The following KIR3DL1 variants were observed in gnomAD, a reference collection of about 807,000 sequenced individuals.
KIR3DL1 encodes killer cell immunoglobulin-like receptor 3DL1.
KIR3DL1 carries 50 observed loss-of-function variants against 40.3 expected under a neutral mutation model. The ratio of observed to expected loss-of-function variants is 1.24; its 90% CI spans 0.99 to 1.57. The LOEUF is 1.57. KIR3DL1 is among the 40% of genes most tolerant of loss of function. KIR3DL1 has a pLI of 0.00. For missense variants in KIR3DL1, 661 were observed against 559.9 expected (o/e 1.18, Z -1.82); for synonymous variants, 257 against 207.2 (o/e 1.24, Z -2.07).
intron 1 of KIR3DL1, 36 bp downstream of exon 1, chr19:54,816,570 G>T: frequency 1.2e-6 from 2 of 1,607,714 alleles, no homozygotes; most frequent in Non-Finnish European, 8.5e-7. Context: ...AGGGAGTGCG[G>T]GGATGGAGAT....
At chr19:54,821,416 A>G in intron 4 of KIR3DL1, 149 bp from the exon 5 acceptor site, 1 of 1,074,588 alleles carries the variant, frequency 9.3e-7, no homozygotes. Flanking sequence ...TAGAAGGAGG[A>G]AACAGATATG....
exon 9 of KIR3DL1, chr19:54,830,432 C>G: frequency 1.1e-6 from 1 of 931,354 alleles, no homozygotes; most frequent in Non-Finnish European, 1.6e-6. Context: ...TGGTGCCTCT[C>G]TCTTGCTTAC....
intron 1 of KIR3DL1, among the ~76,000 whole-genome samples, 186 bp downstream of exon 1, chr19:54,816,720 TGCCTGGAGTGGAGATCTGG>T (rs2061351415): frequency 2.6e-5 from 1 of 38,690 alleles, no homozygotes; most frequent in African/African-American, 1.1e-4. Context: ...TGGAGATATG[TGCCTGGAGTGGAGATCTGG>T]GCCTGGAGTG....
intron 6 of KIR3DL1, among the ~76,000 whole-genome samples, chr19:54,826,604 G>T (rs1358097871): frequency 2.0e-5 from 3 of 147,674 alleles, no homozygotes; most frequent in African/African-American, 7.7e-5. Context: ...ACAGGCGTGA[G>T]CCACTTTGCC....
intron 5 of KIR3DL1, 81 bp from the exon 6 acceptor site, chr19:54,824,947 C>A (rs2148148872): frequency 1.0e-6 from 1 of 993,920 alleles, no homozygotes; most frequent in Non-Finnish European, 1.6e-6. Context: ...GAGTGTTGGC[C>A]ATGAACCAAC....
chr19:54,821,842 G>A (rs758126561), exon 5 of KIR3DL1: 21 of 1,601,694 alleles, frequency 1.3e-5, no homozygotes, highest in Non-Finnish European at 1.6e-5. Context: ...GTGACCCACT[G>A]CTTGTTTCTG....
chr19:54,827,587 C>T (rs2061970371), intron 6 of KIR3DL1, among the ~76,000 whole-genome samples: 1 of 150,350 alleles, frequency 6.7e-6, no homozygotes, highest in African/African-American at 2.5e-5. Flanking sequence ...TGCACTCCAG[C>T]CTGGGTGACA....
chr19:54,825,516 C>T (rs2061839729), intron 6 of KIR3DL1, among the ~76,000 whole-genome samples: 1 of 150,138 alleles, frequency 6.7e-6, no homozygotes, highest in African/African-American at 2.5e-5. Context: ...GAGCAAGAGC[C>T]TTGCCGTAAC....
chr19:54,829,332 C>G (rs1223902187), intron 6 of KIR3DL1, 29 bp from the exon 7 acceptor site: 1 of 1,409,226 alleles, frequency 7.1e-7, no homozygotes, highest in African/African-American at 1.4e-5. Context: ...CTATGATTAG[C>G]TTCTTACTGG....
intron 6 of KIR3DL1, 125 bp from the exon 7 acceptor site, chr19:54,829,236 C>A (rs1014427196): frequency 1.1e-5 from 9 of 801,026 alleles, no homozygotes; most frequent in Non-Finnish European, 1.8e-5. Context: ...CTAGATCTCC[C>A]GCCATCTGGG....
chr19:54,824,683 C>G (rs1297866600), intron 5 of KIR3DL1, among the ~76,000 whole-genome samples: 1 of 141,292 alleles, frequency 7.1e-6, no homozygotes, highest in Admixed American at 7.3e-5. Context: ...CACACACACA[C>G]ACAAAAAAAG....
At chr19:54,821,500 T>C in intron 4 of KIR3DL1, 65 bp from the exon 5 acceptor site, 1 of 1,532,138 alleles carries the variant, frequency 6.5e-7, no homozygotes. Flanking sequence ...AGTTCTCAGC[T>C]CAGGTATGAG....
chr19:54,820,971 T>C (rs1194008177), intron 4 of KIR3DL1, among the ~76,000 whole-genome samples: 1 of 149,822 alleles, frequency 6.7e-6, no homozygotes, highest in Admixed American at 6.7e-5. Flanking sequence ...TGGTTATAGA[T>C]ACATAGATGA....
At chr19:54,816,593 GTAA>G in intron 1 of KIR3DL1, 59 bp downstream of exon 1, 2 of 1,457,860 alleles carry the variant, frequency 1.4e-6, no homozygotes, top group African/African-American at 1.5e-5. Context: ...GGACCTGGAG[GTAA>G]AGATATGGGC....
At chr19:54,819,578 G>T in intron 3 of KIR3DL1, 135 bp from the exon 4 acceptor site, 1 of 1,087,624 alleles carries the variant, frequency 9.2e-7, no homozygotes, top group Non-Finnish European at 1.3e-6. Context: ...AGGGGATATG[G>T]GCACAGAAAA....
At chr19:54,820,596 C>T (rs1275788092) in intron 4 of KIR3DL1, among the ~76,000 whole-genome samples, 2 of 151,310 alleles carry the variant, frequency 1.3e-5, no homozygotes, top group African/African-American at 4.9e-5. Flanking sequence ...CAAATAATCC[C>T]ACATATGATA....
At chr19:54,825,110 T>C in intron 6 of KIR3DL1, 32 bp downstream of exon 6, 1 of 1,408,662 alleles carries the variant, frequency 7.1e-7, no homozygotes, top group East Asian at 2.3e-5. Context: ...TCTCTGCTTT[T>C]GGAAACCTGG....
chr19:54,820,487 T>A (rs2061579667), intron 4 of KIR3DL1, among the ~76,000 whole-genome samples: 1 of 151,466 alleles, frequency 6.6e-6, no homozygotes. Context: ...TTCCATGCAA[T>A]GGAGAGTAAT....
intron 7 of KIR3DL1, 128 bp downstream of exon 7, chr19:54,829,593 C>G (rs1448860001): frequency 8.2e-6 from 7 of 853,516 alleles, no homozygotes; most frequent in Middle Eastern, 3.0e-4. Context: ...AGAGGCAGGA[C>G]TTTCTAGAGA....
Sources: allele counts gnomAD v4.1 joint callset (sites outside exome capture counted in the v4.1 genomes callset), GRCh38; gene constraint gnomAD v4.1.1; transcripts MANE v1.5; gene names NCBI Gene and HGNC (gene_info 2026-07-23, HGNC 2026-07-21).